The following GRIP2 variants were observed in gnomAD, a reference collection of about 807,000 sequenced individuals.
GRIP2 encodes glutamate receptor-interacting protein 2.
A neutral mutation model predicts 108.3 loss-of-function variants in GRIP2; 58 were observed. The observed-to-expected ratio is 0.54, with a 90% CI of 0.43 to 0.67. The LOEUF (loss-of-function observed/expected upper bound fraction) is 0.67. Ranked by LOEUF, GRIP2 falls within the 30% of genes least tolerant of loss-of-function variation. GRIP2 has a pLI of 0.00. For missense variants in GRIP2, 1,278 were observed against 1,430.6 expected, an observed-to-expected ratio of 0.89 and a Z score of 1.72; for synonymous variants, 586 against 598.2, an observed-to-expected ratio of 0.98 and a Z score of 0.30.
upstream of GRIP2, among the ~76,000 whole-genome samples, chr3:14,546,278 C>T (rs1695056582): frequency 6.6e-6 from 1 of 152,118 alleles, no homozygotes; most frequent in African/African-American, 2.4e-5. Context: ...CGCACAGAGA[C>T]AAGGTCGGCC....
intron 1 of GRIP2, among the ~76,000 whole-genome samples, chr3:14,536,585 A>G (rs998316152): frequency 3.3e-5 from 5 of 152,256 alleles, no homozygotes; most frequent in African/African-American, 1.2e-4. Flanking sequence ...CACCCCCACA[A>G]TCCTCCTCCA....
the GRIP2 span, among the ~76,000 whole-genome samples, chr3:14,566,238 G>A: frequency 6.6e-6 from 1 of 152,226 alleles, no homozygotes; most frequent in Non-Finnish European, 1.5e-5. Flanking sequence ...GAGCCACAGG[G>A]CTCTTAGACA....
At chr3:14,578,718 GAA>G in the GRIP2 span, among the ~76,000 whole-genome samples, 2 of 130,046 alleles carry the variant, frequency 1.5e-5, no homozygotes, top group African/African-American at 2.8e-5. Context: ...CTCCATCTCA[GAA>G]AAAAAAAAAA....
chr3:14,538,087 A>G (rs1694875549), intron 1 of GRIP2, among the ~76,000 whole-genome samples: 1 of 151,870 alleles, frequency 6.6e-6, no homozygotes. Flanking sequence ...GGGGCCTGAG[A>G]AGGGACCCAC....
At chr3:14,596,747 C>CT in the GRIP2 span, among the ~76,000 whole-genome samples, 1 of 151,978 alleles carries the variant, frequency 6.6e-6, no homozygotes, top group East Asian at 1.9e-4. Flanking sequence ...GAAGGCTTCT[C>CT]TGAGGAGGGG....
chr3:14,521,394 A>G lies in GRIP2; in HGVS notation c.712+248T>C, dbSNP rs772029788. The G allele has an allele frequency of 2.0e-6, 1 of 488,540 alleles. No homozygotes were observed. The highest frequency in any genetic ancestry group is 3.6e-6 in the Non-Finnish European group (1 of 278,950). 30.3% of individuals were successfully genotyped at this position (488,540 alleles called of 1,614,324 possible). ...ACACCATATCTTATCTATTCTGGAT[A>G]CTGTCCTCTCTCCACCAGAATGCCA... On this transcript the variant is annotated intron_variant, in intron 7 of 23. Coordinates refer to ENST00000621039, the MANE Select transcript of GRIP2 (RefSeq NM_001080423.4). This position sits in a 1 kb window ranked among gnomAD's most constrained non-coding sequence, Gnocchi z 5.1.
At position 14,524,462 on chromosome 3, in the gene GRIP2, T is replaced by C. The variant is rs770738728; in HGVS notation, c.334A>G (p.Ile112Val). Reference protein sequence around the residue: ...IHLTRLRHDEIITLLKNVGER... With the variant: ...IHLTRLRHDEVITLLKNVGER... ...CCCACATTCTTGAGCAGGGTGATGA[T>C]CTCATCGTGGCGGAGCCTGGTCAGG... Residue 112 changes from isoleucine (I) to valine (V), a missense_variant, in exon 4 of 24, where the codon ATC becomes GTC. Ile to Val is a conservative substitution (Grantham distance 29). Coordinates refer to ENST00000621039, the MANE Select transcript of GRIP2 (RefSeq NM_001080423.4). The C allele has an allele frequency of 6.3e-7, 1 of 1,596,080 alleles. No individual in the cohort carries two copies. The highest frequency in any genetic ancestry group is 8.5e-7 in the Non-Finnish European group (1 of 1,171,370).
At chr3:14,598,282 C>T in the GRIP2 span, among the ~76,000 whole-genome samples, 4 of 151,446 alleles carry the variant, frequency 2.6e-5, no homozygotes, top group Non-Finnish European at 5.9e-5. Flanking sequence ...GCCGCCTTAT[C>T]GTCTTCCCGT....
chr3:14,504,163 C>T (rs565627340), intron 20 of GRIP2, among the ~76,000 whole-genome samples: 57 of 152,302 alleles, frequency 3.7e-4, no homozygotes, highest in African/African-American at 1.4e-3. Context: ...ACTCCCATCA[C>T]AGGTTGTATG....
chr3:14,589,284 G>A, the GRIP2 span, among the ~76,000 whole-genome samples: 2 of 152,182 alleles, frequency 1.3e-5, no homozygotes, highest in Admixed American at 6.5e-5. Flanking sequence ...GTGTAGAAAT[G>A]CATGATAGTA....
chr3:14,525,118 G>A (rs1053220759), intron 3 of GRIP2, among the ~76,000 whole-genome samples: 35 of 152,218 alleles, frequency 2.3e-4, no homozygotes, highest in Non-Finnish European at 3.7e-4. Context: ...GTAAAGAGGA[G>A]TGTGCCAGGA....
intron 1 of GRIP2, among the ~76,000 whole-genome samples, chr3:14,550,067 G>C (rs1482364806): frequency 1.3e-5 from 2 of 152,304 alleles, no homozygotes; most frequent in South Asian, 2.1e-4. Context: ...TGCAGGGTTT[G>C]GGGGTGGGCC....
At chr3:14,533,926 A>G (rs1262414325) in intron 1 of GRIP2, among the ~76,000 whole-genome samples, 1 of 152,210 alleles carries the variant, frequency 6.6e-6, no homozygotes, top group Non-Finnish European at 1.5e-5. Flanking sequence ...TACTGTGCGC[A>G]AAGAGTCAGT....
At chr3:14,530,940 A>G (rs1032552730) in intron 1 of GRIP2, 3 of 152,224 alleles carry the variant, frequency 2.0e-5, no homozygotes, top group Admixed American at 6.5e-5. Flanking sequence ...CTAGTGTGCT[A>G]TCAAATACTA....
intron 21 of GRIP2, among the ~76,000 whole-genome samples, chr3:14,501,616 T>A (rs886666528): frequency 2.6e-5 from 4 of 152,202 alleles, no homozygotes; most frequent in Non-Finnish European, 4.4e-5. Context: ...AGTACATACA[T>A]CATGATTTCA....
chr3:14,540,379 C>T (rs765381120), upstream of GRIP2: 3 of 1,611,184 alleles, frequency 1.9e-6, no homozygotes, highest in Non-Finnish European at 8.5e-7. The surrounding 1 kb of genome is among the most constrained non-coding windows in gnomAD (Gnocchi z 4.1). Context: ...CCCTCCCCTC[C>T]CCAGGGAGGG....
chr3:14,494,923 T>G lies in GRIP2; in HGVS notation c.2890A>C (p.Lys964Gln). Residue 964 changes from lysine to glutamine, a missense_variant, in exon 23 of 24, where the codon AAA becomes CAA. By Grantham distance (53) the Lys-to-Gln change is moderately conservative. Coordinates refer to ENST00000621039, the MANE Select transcript of GRIP2 (RefSeq NM_001080423.4). ...GFSVSDGLLE[K>Q]GVYVHTVRPD... ...CGCACAGTGTGGACATAGACACCTT[T>G]TTCCAGGAGGCCATCTGAGACGCTG... 1.2e-6 allele frequency: 2 copies of G among 1,613,942 alleles called. No homozygotes were observed. The highest frequency in any genetic ancestry group is 1.7e-6 in the Non-Finnish European group (2 of 1,179,862).
chr3:14,595,818 C>T, the GRIP2 span, among the ~76,000 whole-genome samples: 2 of 152,238 alleles, frequency 1.3e-5, no homozygotes, highest in African/African-American at 2.4e-5. Context: ...TGGTGAGGGC[C>T]GGATGTGCAC....
the GRIP2 span, chr3:14,573,514 T>C: frequency 9.8e-6 from 15 of 1,535,412 alleles, no homozygotes; most frequent in Non-Finnish European, 1.4e-5. Context: ...ACATCATCCA[T>C]GCAGTGCACC....
Sources: gnomAD v4.1 joint callset for allele counts (sites outside exome capture counted in the v4.1 genomes callset) on GRCh38, gnomAD v4.1.1 for gene constraint, Gnocchi (gnomAD v3.1) non-coding constraint, MANE v1.5 for transcripts, NCBI Gene and HGNC (gene_info 2026-07-23, HGNC 2026-07-21) for gene names.